TEAD2: variants seen among roughly 807,000 people sequenced by gnomAD.
TEAD2 encodes the protein transcriptional enhancer factor TEF-4.
Under a neutral mutation model 61.4 loss-of-function variants are expected in TEAD2, and 51 were observed. The ratio of observed to expected loss-of-function variants is 0.83; its 90% CI spans 0.66 to 1.05. The LOEUF is 1.05. Ranked by LOEUF, TEAD2 falls within the 50% of genes least tolerant of loss-of-function variation. The pLI is 0.00. For missense variants in TEAD2, 509 were observed against 600.0 expected (o/e 0.85, Z 1.58); for synonymous variants, 244 against 243.2 (o/e 1.00, Z -0.03).
Position 49,360,094 on chromosome 19 carries a change from A to T in TEAD2, c.-6-13T>A. On this transcript the variant is annotated splice_polypyrimidine_tract_variant and intron_variant, in intron 1 of 12. Coordinates refer to ENST00000593945, the MANE Select transcript of TEAD2 (RefSeq NM_001256660.2). ...CCCCCATCTGGGCCTGGAGGAACAC[A>T]GAACTCAGCAAGCTTCCCCCAAACC... The T allele has an allele frequency of 6.3e-7, 1 of 1,593,146 alleles. No homozygotes were observed. The highest frequency in any genetic ancestry group is 1.1e-5 in the South Asian group (1 of 90,560).
At chr19:49,349,160 C>G (rs1971841897) in intron 8 of TEAD2, 1 of 217,758 alleles carries the variant, frequency 4.6e-6, no homozygotes, top group African/African-American at 2.3e-5. Context: ...CCCTCCAAAT[C>G]TCATGTTGAA....
In TEAD2 at chr19:49,341,278, T is replaced by G; in HGVS notation, c.*46A>C. 1.4e-6 allele frequency: 2 copies of G among 1,479,196 alleles called. No individual in the cohort carries two copies. The highest frequency in any genetic ancestry group is 1.9e-6 in the Non-Finnish European group (2 of 1,058,278). 91.6% of individuals were successfully genotyped at this position (1,479,196 alleles called of 1,614,324 possible). The stretch of plus-strand genomic sequence containing the variant: ...ATGAGGTGAGCTGGAGGACCCTCCC[T>G]GGGAGGAGGGTGTTCTGGGGGGTGA... On this transcript the variant is annotated 3_prime_UTR_variant, in exon 13 of 13. Transcript: ENST00000593945. This position sits in a 1 kb window ranked among gnomAD's most constrained non-coding sequence, Gnocchi z 4.2.
intron 5 of TEAD2, 108 bp from the exon 6 acceptor site, chr19:49,355,527 T>G: frequency 1.1e-6 from 1 of 921,938 alleles, no homozygotes; most frequent in Non-Finnish European, 1.7e-6. Flanking sequence ...AGGTGGGGAG[T>G]CAAGGCAAAG....
intron 7 of TEAD2, among the ~76,000 whole-genome samples, chr19:49,352,397 G>A (rs1188694768): frequency 6.6e-6 from 1 of 152,186 alleles, no homozygotes; most frequent in African/African-American, 2.4e-5. Flanking sequence ...CCAAGAGATA[G>A]TGGTGAAGAG....
Position 49,342,440 on chromosome 19 carries a change from G to C in TEAD2, c.1240C>G (p.Gln414Glu), listed in dbSNP as rs771371658. The C allele has an allele frequency of 6.2e-7, 1 of 1,613,204 alleles. No homozygotes were observed. Among genetic ancestry groups the C allele is most frequent in the African/African-American group, 1.3e-5 (1 of 74,914 alleles). Residue 414 changes from glutamine to glutamate, a missense_variant and splice_region_variant, in exon 12 of 13, where the codon CAG becomes GAG. Physicochemically the swap from Gln to Glu is conservative, Grantham distance 29. Coordinates refer to ENST00000593945, the MANE Select transcript of TEAD2 (RefSeq NM_001256660.2). ...NSVLENFTIL[Q>E]VVTNRDTQEL... ...TCCAGCCCAGCCCCAGGCATCACCT[G>C]GAGGATGGTGAAGTTTTCCAGGACG...
At chr19:49,362,162 C>T (rs1358264631) in intron 1 of TEAD2, among the ~76,000 whole-genome samples, 171 bp downstream of exon 1, 1 of 152,212 alleles carries the variant, frequency 6.6e-6, no homozygotes, top group African/African-American at 2.4e-5. Context: ...AAACTCAGAC[C>T]CAGCCGCAGG....
intron 3 of TEAD2, among the ~76,000 whole-genome samples, chr19:49,358,632 CTTTCT>C (rs1290269444): frequency 1.5e-4 from 22 of 150,506 alleles, no homozygotes; most frequent in African/African-American, 5.1e-4. Flanking sequence ...TTCTTTCTTT[CTTTCT>C]TTTTTTTTTT....
At chr19:49,360,368 G>A in intron 1 of TEAD2, 1 of 454,442 alleles carries the variant, frequency 2.2e-6, no homozygotes, top group Admixed American at 3.8e-5. Context: ...AGCGGGGGCT[G>A]GAGGCCTGGA....
At position 49,347,214 on chromosome 19, in the gene TEAD2, AT is replaced by A; in HGVS notation, c.896del (p.His299LeufsTer12). ...LRELYDRGPPHAFFLVKFWAD... is the reference protein window; with the variant it reads ...LRELYDRGPPXAFFLVKFWAD... ...CCCAGAACTTGACCAGGAAGAAGGC[AT>A]GGGGGGGGCCACGATCATATAGCTC... On this transcript the variant is annotated frameshift_variant, in exon 10 of 13. Coordinates refer to ENST00000593945, the MANE Select transcript of TEAD2 (RefSeq NM_001256660.2). LOFTEE classifies it high-confidence loss of function. 1 of 1,613,846 alleles carries A rather than the reference AT, an allele frequency of 6.2e-7. No homozygotes were observed. Among genetic ancestry groups the A allele is most frequent in the East Asian group, 2.2e-5 (1 of 44,864 alleles).
At chr19:49,342,360 C>G in intron 12 of TEAD2, 78 bp downstream of exon 12, 1 of 1,549,174 alleles carries the variant, frequency 6.5e-7, no homozygotes, top group Non-Finnish European at 8.8e-7. Context: ...GTGAGGAGAT[C>G]CCCTAGACTG....
intron 9 of TEAD2, 30 bp from the exon 10 acceptor site, chr19:49,347,393 C>T (rs751004730): frequency 6.9e-6 from 11 of 1,595,258 alleles, no homozygotes; most frequent in East Asian, 2.2e-5. Context: ...GGTGAGAAGT[C>T]GGAGGTGAGC....
Position 49,355,206 on chromosome 19 carries a change from C to A in TEAD2, c.481G>T (p.Ala161Ser). The change falls in exon 7 of 13, where the codon GCC becomes TCC. Residue 161 changes from alanine (A) to serine (S), a missense_variant and splice_region_variant. Coordinates refer to ENST00000593945, the MANE Select transcript of TEAD2 (RefSeq NM_001256660.2). ...QAKLGPTGPQ[A>S]SELFQFWSGG... ...GACCAAAACTGGAAAAGCTCAGAGG[C>A]CTGGATAGGACACAAAGAAAAATGG... 1.2e-6 allele frequency: 2 copies of A among 1,613,162 alleles called. No individual in the cohort carries two copies. The highest frequency in any genetic ancestry group is 1.7e-6 in the Non-Finnish European group (2 of 1,179,614).
chr19:49,349,743 C>G (rs1205818696), intron 8 of TEAD2, among the ~76,000 whole-genome samples: 1 of 152,170 alleles, frequency 6.6e-6, no homozygotes, highest in Non-Finnish European at 1.5e-5. Flanking sequence ...AACATGCTTC[C>G]TGTACAGCCT....
Position 49,342,577 on chromosome 19 carries a change from T to C in TEAD2, c.1103A>G (p.Gln368Arg), listed in dbSNP as rs1298291724. 6.2e-7 allele frequency: 1 copy of C among 1,613,184 alleles called. No homozygotes were observed. The highest frequency in any genetic ancestry group is 1.3e-5 in the African/African-American group (1 of 75,028). ...GTACACAAATCTGCCGTCCTCCAGC[T>C]GGGCCCGTTCCGTCTGAACCAAGGG... ...VVEKVETERA[Q>R]LEDGRFVYRL... Residue 368 changes from glutamine (Q) to arginine (R), a missense_variant, in exon 12 of 13, where the codon CAG becomes CGG. Gln to Arg is a conservative substitution (Grantham distance 43). Coordinates refer to ENST00000593945, the MANE Select transcript of TEAD2 (RefSeq NM_001256660.2).
At chr19:49,357,457 G>T in intron 3 of TEAD2, 143 bp from the exon 4 acceptor site, 2 of 858,850 alleles carry the variant, frequency 2.3e-6, no homozygotes, top group Non-Finnish European at 3.8e-6. Flanking sequence ...CATCTCGGGA[G>T]CACCCGAACA....
intron 10 of TEAD2, among the ~76,000 whole-genome samples, chr19:49,343,895 A>G (rs1190248939): frequency 3.4e-5 from 5 of 146,964 alleles, no homozygotes; most frequent in Non-Finnish European, 6.0e-5. Flanking sequence ...CACCCAGGCA[A>G]TGTGTGGTGG....
rs1030076663 is a variant in TEAD2 at position 49,359,761 on chromosome 19, C to A, written c.232+83G>T. 17 of 1,392,522 alleles carry A rather than the reference C, an allele frequency of 1.2e-5. No individual in the cohort carries two copies. The highest frequency in any genetic ancestry group is 1.7e-5 in the Non-Finnish European group (17 of 999,920). 86.3% of individuals were successfully genotyped at this position (1,392,522 alleles called of 1,614,324 possible). The stretch of plus-strand genomic sequence containing the variant: ...ATCTGTGCAAATGGTGATGCTAGCT[C>A]CTACTTCAGAGTGCTCCATAAACCT... On this transcript the variant is annotated intron_variant, in intron 2 of 12. Coordinates refer to ENST00000593945, the MANE Select transcript of TEAD2 (RefSeq NM_001256660.2). The surrounding 1 kb of genome is among the most constrained non-coding windows in gnomAD (Gnocchi z 4.1).
At chr19:49,352,039 G>A (rs1214780138) in intron 7 of TEAD2, among the ~76,000 whole-genome samples, 1 of 136,686 alleles carries the variant, frequency 7.3e-6, no homozygotes, top group Non-Finnish European at 1.6e-5. Flanking sequence ...AAGGCAGGGA[G>A]AAGACGCAGA....
chr19:49,359,811 G>A lies in TEAD2; in HGVS notation c.232+33C>T. On this transcript the variant is annotated intron_variant, in intron 2 of 12. Transcript: ENST00000593945. This position sits in a 1 kb window ranked among gnomAD's most constrained non-coding sequence, Gnocchi z 4.1. ...TTGGTTACTGTCATTATTCATCAGT[G>A]GGGGCCAGGGCAAAAGACAGAAGTA... The A allele has an allele frequency of 6.2e-7, 1 of 1,600,296 alleles. No individual in the cohort carries two copies. The highest frequency in any genetic ancestry group is 1.7e-5 in the Admixed American group (1 of 59,918).
Sources: gnomAD v4.1 joint callset for allele counts (sites outside exome capture counted in the v4.1 genomes callset) on GRCh38, gnomAD v4.1.1 for gene constraint, Gnocchi (gnomAD v3.1) non-coding constraint, MANE v1.5 for transcripts, NCBI Gene and HGNC (gene_info 2026-07-23, HGNC 2026-07-21) for gene names.